Variants in ABLIM1 observed in about 807,000 individuals in gnomAD.
ABLIM1 encodes the protein actin binding LIM protein 1.
In ABLIM1, 40 loss-of-function variants were observed where a neutral mutation model predicts 107.0. The ratio of observed to expected loss-of-function variants is 0.37; its 90% confidence interval spans 0.29 to 0.49. The LOEUF is 0.49. ABLIM1 is among the 20% of genes least tolerant of loss of function. The pLI, the probability that ABLIM1 is intolerant of heterozygous loss-of-function variation, is 0.97. For synonymous variants in ABLIM1, 357 were observed against 357.3 expected, an observed-to-expected ratio of 1.00 and a Z score of 0.01; for missense variants, 857 against 1,008.5, an observed-to-expected ratio of 0.85 and a Z score of 2.04.
intron 1 of ABLIM1, among the ~76,000 whole-genome samples, chr10:114,613,287 A>G (rs2076932890): frequency 6.6e-6 from 1 of 152,186 alleles, no homozygotes; most frequent in African/African-American, 2.4e-5. Context: ...GGAGAAGAAA[A>G]TAAAATTTTA....
At chr10:114,550,436 C>A (rs1423857560) in intron 4 of ABLIM1, among the ~76,000 whole-genome samples, 2 of 151,926 alleles carry the variant, frequency 1.3e-5, no homozygotes, top group Non-Finnish European at 2.9e-5. Flanking sequence ...CAAAATTGAG[C>A]AGAAGGTACG....
At chr10:114,587,116 T>C (rs2074280251) in intron 2 of ABLIM1, among the ~76,000 whole-genome samples, 1 of 152,210 alleles carries the variant, frequency 6.6e-6, no homozygotes, top group Non-Finnish European at 1.5e-5. Flanking sequence ...ATGGGATACT[T>C]TTCCCAAGCT....
chr10:114,787,416 C>T, the ABLIM1 span, among the ~76,000 whole-genome samples: 1 of 151,020 alleles, frequency 6.6e-6, no homozygotes, highest in Non-Finnish European at 1.5e-5. Context: ...GGGGGTCAGC[C>T]CCCCGCCCGG....
At chr10:114,550,868 G>A (rs1362563693) in intron 4 of ABLIM1, among the ~76,000 whole-genome samples, 1 of 152,164 alleles carries the variant, frequency 6.6e-6, no homozygotes, top group Non-Finnish European at 1.5e-5. Flanking sequence ...TGGCAGCAAA[G>A]ATTTTAATAA....
chr10:114,482,838 A>G (rs2057583481), intron 8 of ABLIM1, among the ~76,000 whole-genome samples: 1 of 152,194 alleles, frequency 6.6e-6, no homozygotes, highest in Non-Finnish European at 1.5e-5. Context: ...AAACTAAAAA[A>G]TTTCACACTT....
At chr10:114,748,128 C>T (rs2082423779) in intron 1 of ABLIM1, among the ~76,000 whole-genome samples, 1 of 152,102 alleles carries the variant, frequency 6.6e-6, no homozygotes, top group Non-Finnish European at 1.5e-5. Context: ...AAATCACAAA[C>T]CATAAGAACC....
At chr10:114,644,632 G>A (rs970742132) in intron 1 of ABLIM1, among the ~76,000 whole-genome samples, 10 of 152,040 alleles carry the variant, frequency 6.6e-5, no homozygotes, top group Non-Finnish European at 1.0e-4. Flanking sequence ...GCAGACACTG[G>A]ATCAGAGAGA....
chr10:114,500,185 C>A (rs1221284548), intron 6 of ABLIM1, among the ~76,000 whole-genome samples: 2 of 152,190 alleles, frequency 1.3e-5, no homozygotes, highest in East Asian at 3.9e-4. Context: ...CTGCTTTAAA[C>A]ACGTGTGCTA....
intron 2 of ABLIM1, among the ~76,000 whole-genome samples, chr10:114,589,831 A>G (rs569340270): frequency 6.6e-6 from 1 of 152,324 alleles, no homozygotes; most frequent in East Asian, 1.9e-4. Flanking sequence ...TTATTAGTAA[A>G]GAAAAACATT....
rs5788078 is a variant in ABLIM1 at position 114,693,826 on chromosome 10, C to CT, written c.-213+74234dup. On this transcript the variant is annotated intron_variant, in intron 1 of 15. Transcript: ENST00000651092. Reference sequence around the variant, plus strand: ...CCATGCCTGGCTGATTTTAAAAAAACTTTTTTTTTTTTTTTTGTAGAGATT... The same window carrying CT: ...CCATGCCTGGCTGATTTTAAAAAAACTTTTTTTTTTTTTTTTTGTAGAGATT... 1.7e-3 allele frequency among the ~76,000 whole-genome samples: 233 copies of CT among 134,064 alleles called. 1 individual carries two copies. The highest frequency in any genetic ancestry group is 9.8e-3 in the South Asian group (40 of 4,078). The allele number at this position is 134,064 out of a possible 152,430, so 88.0% of individuals were successfully genotyped here.
chr10:114,667,854 C>T (rs951754245), intron 1 of ABLIM1, among the ~76,000 whole-genome samples: 4 of 152,206 alleles, frequency 2.6e-5, no homozygotes, highest in East Asian at 1.9e-4. Context: ...CTAGCATGTA[C>T]CCCAATGCAA....
chr10:114,775,065 T>C, the ABLIM1 span, among the ~76,000 whole-genome samples: 1 of 152,020 alleles, frequency 6.6e-6, no homozygotes, highest in Admixed American at 6.6e-5. Flanking sequence ...CTTACAATCA[T>C]GGAGGAAGGT....
intron 1 of ABLIM1, among the ~76,000 whole-genome samples, chr10:114,651,252 T>C (rs1229596546): frequency 2.6e-5 from 4 of 152,120 alleles, no homozygotes; most frequent in Admixed American, 2.6e-4. Flanking sequence ...TATAATGGAA[T>C]AAAAATAAGA....
At chr10:114,711,919 G>A (rs541641862) in intron 1 of ABLIM1, among the ~76,000 whole-genome samples, 17 of 152,316 alleles carry the variant, frequency 1.1e-4, no homozygotes, top group East Asian at 5.8e-4. Flanking sequence ...CAAGGGAGCC[G>A]TTGCTGTAGC....
chr10:114,747,424 T>C (rs2082408247), intron 1 of ABLIM1, among the ~76,000 whole-genome samples: 1 of 152,208 alleles, frequency 6.6e-6, no homozygotes, highest in African/African-American at 2.4e-5. Flanking sequence ...GCTCTATGTG[T>C]ATACGTGCCC....
At chr10:114,761,420 GCTA>G (rs2082743381) in intron 1 of ABLIM1, among the ~76,000 whole-genome samples, 1 of 152,152 alleles carries the variant, frequency 6.6e-6, no homozygotes, top group Non-Finnish European at 1.5e-5. Context: ...GCCCCAGCTT[GCTA>G]CTGCCCAGGC....
intron 8 of ABLIM1, among the ~76,000 whole-genome samples, chr10:114,484,106 T>C (rs1281809008): frequency 6.6e-6 from 1 of 152,168 alleles, no homozygotes; most frequent in Non-Finnish European, 1.5e-5. Flanking sequence ...TCTTTCGGGT[T>C]TTTCTCTCAC....
chr10:114,790,996 A>G, the ABLIM1 span, among the ~76,000 whole-genome samples: 1 of 152,244 alleles, frequency 6.6e-6, no homozygotes, highest in Non-Finnish European at 1.5e-5. Flanking sequence ...AAAAAGCTTT[A>G]AAAACACTGT....
intron 1 of ABLIM1, among the ~76,000 whole-genome samples, chr10:114,607,612 A>C (rs574090751): frequency 1.3e-5 from 2 of 152,362 alleles, no homozygotes; most frequent in African/African-American, 4.8e-5. Context: ...GATGTGATGA[A>C]AATGGGCACT....
Sources: gnomAD v4.1 joint callset for allele counts (sites outside exome capture counted in the v4.1 genomes callset) on GRCh38, gnomAD v4.1.1 for gene constraint, MANE v1.5 for transcripts, NCBI Gene and HGNC (gene_info 2026-07-23, HGNC 2026-07-21) for gene names.